SNX5: variants seen among roughly 807,000 people sequenced by gnomAD.
SNX5 encodes sorting nexin-5.
In SNX5, 31 loss-of-function variants were observed where a neutral mutation model predicts 53.9. The observed-to-expected ratio is 0.58, with a 90% CI of 0.43 to 0.78. SNX5 has a LOEUF of 0.78. SNX5 is among the 30% of genes least tolerant of loss of function. The pLI is 0.00. For missense variants in SNX5, 471 were observed against 478.8 expected (o/e 0.98, Z 0.15); for synonymous variants, 168 against 171.1 (o/e 0.98, Z 0.14).
intron 5 of SNX5, among the ~76,000 whole-genome samples, 155 bp from the exon 6 acceptor site, chr20:17,951,750 C>G (rs947648850): frequency 6.6e-6 from 1 of 152,214 alleles, no homozygotes; most frequent in African/African-American, 2.4e-5. Context: ...GCTTAAAACA[C>G]CTAATGGCTA....
At chr20:17,942,516 C>T (rs548246743) in intron 12 of SNX5, 109 bp from the exon 13 acceptor site, 5 of 817,094 alleles carry the variant, frequency 6.1e-6, no homozygotes, top group Non-Finnish European at 1.1e-5. Flanking sequence ...TAAAGTCAGC[C>T]AGAGCAAGCT....
At chr20:17,945,229 C>G (rs1255071124) in intron 11 of SNX5, 2 of 151,984 alleles carry the variant, frequency 1.3e-5, no homozygotes, top group African/African-American at 4.8e-5. Context: ...TTCCTCTAGA[C>G]CTACACACAG....
intron 2 of SNX5, among the ~76,000 whole-genome samples, chr20:17,956,704 A>AAAAC (rs1568594187): frequency 3.5e-5 from 4 of 112,868 alleles, no homozygotes; most frequent in Admixed American, 1.8e-4. Flanking sequence ...AAAAAAAAAA[A>AAAAC]CAAAAAAACA....
intron 11 of SNX5, chr20:17,945,493 A>T (rs2039475378): frequency 1.3e-5 from 2 of 152,194 alleles, no homozygotes; most frequent in South Asian, 4.1e-4. Flanking sequence ...CTGAATTGGC[A>T]TCATTTTTTA....
intron 11 of SNX5, chr20:17,947,259 G>A: frequency 2.0e-6 from 1 of 493,882 alleles, no homozygotes; most frequent in Middle Eastern, 5.0e-4. Flanking sequence ...AAAGAAGCAT[G>A]ACATATGCAA....
Position 17,957,367 on chromosome 20 carries a change from G to A in SNX5, c.52-330C>T, listed in dbSNP as rs112535614. On this transcript the variant is annotated intron_variant, in intron 1 of 12. Coordinates refer to ENST00000377759, the MANE Select transcript of SNX5 (RefSeq NM_014426.4). ...GGAGAATGGCCTGAACACTGGAGGCGGAGCTTGCAGTGAGCTGAGATCACA... is the reference window on the plus strand; with the variant it reads ...GGAGAATGGCCTGAACACTGGAGGCAGAGCTTGCAGTGAGCTGAGATCACA... Among the ~76,000 whole-genome samples, 1,322 of 151,430 alleles carry A rather than the reference G, an allele frequency of 8.7e-3. 16 individuals carry two copies. Among genetic ancestry groups the A allele is most frequent in the African/African-American group, 0.031 (1,268 of 41,218 alleles).
At chr20:17,952,277 T>C (rs1411793248) in intron 5 of SNX5, among the ~76,000 whole-genome samples, 2 of 152,080 alleles carry the variant, frequency 1.3e-5, no homozygotes, top group African/African-American at 4.8e-5. Flanking sequence ...GGGAAGAAAA[T>C]AAATTACACA....
intron 1 of SNX5, chr20:17,963,024 C>T: frequency 2.6e-6 from 1 of 385,920 alleles, no homozygotes; most frequent in Non-Finnish European, 5.1e-6. Flanking sequence ...TAATGCATGT[C>T]AAGAAATCCA....
rs143706963 is a variant in SNX5, at chr20:17,968,238, C to T, written c.51+137G>A. The T allele has an allele frequency of 1.1e-5, 7 of 648,240 alleles. No individual in the cohort carries two copies. In the African/African-American group the frequency reaches 1.3e-4, roughly 12 times the overall value. 40.2% of individuals were successfully genotyped at this position (648,240 alleles called of 1,614,324 possible). On this transcript the variant is annotated intron_variant, in intron 1 of 12. Coordinates refer to ENST00000377759, the MANE Select transcript of SNX5 (RefSeq NM_014426.4). ...AGTGAAGACCAGGGAGAGGGGCCGC[C>T]CGGGTCTCACGGGTGCTTCCCGCGC... is the stretch of plus-strand genomic sequence containing the variant.
rs760983459 is a variant in SNX5, at chr20:17,950,305, G to A, written c.701C>T (p.Thr234Ile). 6.8e-6 allele frequency: 11 copies of A among 1,611,648 alleles called. No homozygotes were observed. In the South Asian group the frequency reaches 9.9e-5, roughly 14 times the overall value. The change falls in exon 7 of 13, where the codon ACC (threonine) becomes ATC (isoleucine). Residue 234 changes from threonine to isoleucine, a missense_variant. By Grantham distance (89) the Thr-to-Ile change is moderately conservative (BLOSUM62 -1). Transcript: ENST00000377759. ...KDSCVKADKM[T>I]RSHKNVADDY... is the part of the protein sequence containing the mutation. ...ATGATATTTACTTTTATGAGATCTG[G>A]TCATTTTGTCAGCTTTCACACAAGA...
chr20:17,968,496 C>T lies in SNX5; in HGVS notation c.-71G>A. On this transcript the variant is annotated 5_prime_UTR_variant, in exon 1 of 13. Transcript: ENST00000377759. Reference sequence around the variant, plus strand: ...GAAGAAGCTGGGCCGCCGCCGCCGCCGCCTGGGCGCCTCTCGGGGGCGGCC... The same window carrying T: ...GAAGAAGCTGGGCCGCCGCCGCCGCTGCCTGGGCGCCTCTCGGGGGCGGCC... 7.9e-7 allele frequency: 1 copy of T among 1,263,896 alleles called. No individual in the cohort carries two copies. Among genetic ancestry groups the T allele is most frequent in the Non-Finnish European group, 1.0e-6 (1 of 995,864 alleles). 78.3% of individuals were successfully genotyped at this position (1,263,896 alleles called of 1,614,324 possible).
Position 17,947,559 on chromosome 20 carries a change from G to A in SNX5, c.1005C>T (p.Asp335=), listed in dbSNP as rs61762680. 2.1e-5 allele frequency: 34 copies of A among 1,613,786 alleles called. No homozygotes were observed. Among genetic ancestry groups the A allele is most frequent in the Middle Eastern group, 1.6e-4 (1 of 6,078 alleles). ...ALDKARLKSK[D]VKLAEAHQQE... ...GCTGGTGTGCCTCAGCCAACTTGACGTCTTTGCTCTTTAACCGGGCCTTAT... is the reference window on the plus strand; with the variant it reads ...GCTGGTGTGCCTCAGCCAACTTGACATCTTTGCTCTTTAACCGGGCCTTAT... The change falls in exon 11 of 13, where the codon GAC becomes GAT. Residue 335 remains aspartate (D), a synonymous_variant. Transcript: ENST00000377759.
In SNX5 at chr20:17,941,751, ATT is replaced by A. The variant is rs772097411; in HGVS notation, c.*604_*605del. The A allele has an allele frequency of 6.6e-6, 1 of 152,372 alleles. No homozygotes were observed. The highest frequency in any genetic ancestry group is 1.5e-5 in the Non-Finnish European group (1 of 68,220). 9.4% of individuals were successfully genotyped at this position (152,372 alleles called of 1,614,324 possible). A position where few individuals can be genotyped will look rare whatever the true frequency, so the allele number is the denominator to read the frequency against. Reference sequence around the variant, plus strand: ...GCCATCTTATAAAGCAGACCACATTATTTGTTTCCATATATACCTGTAGATAT... The same window carrying A: ...GCCATCTTATAAAGCAGACCACATTATGTTTCCATATATACCTGTAGATAT... On this transcript the variant is annotated 3_prime_UTR_variant, in exon 13 of 13. Transcript: ENST00000377759.
chr20:17,949,203 A>G (rs1267710521), intron 8 of SNX5, 100 bp from the exon 9 acceptor site: 2 of 930,074 alleles, frequency 2.2e-6, no homozygotes, highest in Admixed American at 2.2e-5. Context: ...CAGGAGTCCT[A>G]GCCTTTGGTA....
intron 4 of SNX5, among the ~76,000 whole-genome samples, chr20:17,953,642 C>G (rs1438750629): frequency 6.6e-6 from 1 of 152,172 alleles, no homozygotes; most frequent in Admixed American, 6.5e-5. Context: ...CGTCTAGTAA[C>G]CAAGCTTCCG....
intron 11 of SNX5, 88 bp from the exon 12 acceptor site, chr20:17,943,283 G>A: frequency 5.9e-6 from 5 of 846,376 alleles, no homozygotes; most frequent in Non-Finnish European, 1.0e-5. Context: ...TCTTACAAAT[G>A]GTCTCCAATG....
At position 17,966,464 on chromosome 20, in the gene SNX5, C is replaced by G. The variant is rs554262962; in HGVS notation, c.51+1911G>C. Among the ~76,000 whole-genome samples the G allele has an allele frequency of 3.3e-5, 5 of 152,144 alleles. No homozygotes were observed. In the South Asian group the frequency reaches 1.0e-3, roughly 32 times the overall value. On this transcript the variant is annotated intron_variant, in intron 1 of 12. Coordinates refer to ENST00000377759, the MANE Select transcript of SNX5 (RefSeq NM_014426.4). ...TTAACCATGCATCTCTTCCCCTGAA[C>G]TATTTTCTGAGGAAGAAGGCAAACC...
At chr20:17,949,228 TA>T in intron 8 of SNX5, 125 bp from the exon 9 acceptor site, 1 of 758,818 alleles carries the variant, frequency 1.3e-6, no homozygotes, top group Non-Finnish European at 2.2e-6. Context: ...AGCATTAATT[TA>T]AAAGTAGTGC....
rs1600369372 is a variant in SNX5 at position 17,968,764 on chromosome 20, C to G, written c.-339G>C. 1 of 354,444 alleles carries G rather than the reference C, an allele frequency of 2.8e-6. No individual in the cohort carries two copies. The highest frequency in any genetic ancestry group is 3.9e-5 in the South Asian group (1 of 25,904). The allele number at this position is 354,444 out of a possible 1,614,324, so 22.0% of individuals were successfully genotyped here. A position where few individuals can be genotyped will look rare whatever the true frequency, so the allele number is the denominator to read the frequency against. ...CGCGACACGGACGGGAAGCAACGGA[C>G]ACTCTCCCAGCAAGACGCGTCTAGA... On this transcript the variant is annotated 5_prime_UTR_variant, in exon 1 of 13. Coordinates refer to ENST00000377759, the MANE Select transcript of SNX5 (RefSeq NM_014426.4).
Sources: allele counts gnomAD v4.1 joint callset (sites outside exome capture counted in the v4.1 genomes callset), GRCh38; gene constraint gnomAD v4.1.1; transcripts MANE v1.5; gene names NCBI Gene and HGNC (gene_info 2026-07-23, HGNC 2026-07-21).